Variants in POLL observed in about 807,000 individuals in gnomAD.
The protein encoded by POLL is DNA polymerase lambda.
A neutral mutation model predicts 58.1 loss-of-function variants in POLL; 44 were observed. The observed-to-expected ratio is 0.76, with a 90% CI of 0.60 to 0.97. POLL has a LOEUF of 0.97. POLL is among the 50% of genes least tolerant of loss of function. POLL has a pLI of 0.00. For synonymous variants in POLL, 290 were observed against 283.2 expected (o/e 1.02, Z -0.24); for missense variants, 632 against 736.8 (o/e 0.86, Z 1.65).
chr10:101,579,875 C>A lies in POLL; in HGVS notation c.1364-58G>T, dbSNP rs897341356. 1.9e-6 allele frequency: 3 copies of A among 1,554,300 alleles called. No individual in the cohort carries two copies. The highest frequency in any genetic ancestry group is 1.7e-6 in the Non-Finnish European group (2 of 1,149,832). ...GGGAACCAGGCCTGGGCTGTCCCAT[C>A]CTCCCAGGTCTCTCCTGATGTCTAA... On this transcript the variant is annotated intron_variant, in intron 8 of 8. Coordinates refer to ENST00000370162, the MANE Select transcript of POLL (RefSeq NM_001174084.2). The surrounding 1 kb of genome is among the most constrained non-coding windows in gnomAD (Gnocchi z 4.4).
rs573710641 is a variant in POLL, at chr10:101,582,822, G to A, written c.1135C>T (p.His379Tyr). Reference sequence around the variant, plus strand: ...ATACGTTCCAGGAAGTCACTGTAATGCTTCAGGCCGATGGCCTGCTGGGTT... The same window carrying A: ...ATACGTTCCAGGAAGTCACTGTAATACTTCAGGCCGATGGCCTGCTGGGTT... Reference protein sequence around the residue: ...LTTQQAIGLKHYSDFLERMPR... With the variant: ...LTTQQAIGLKYYSDFLERMPR... The change falls in exon 7 of 9, where the codon CAT becomes TAT. Residue 379 changes from histidine (H) to tyrosine (Y), a missense_variant. Transcript: ENST00000370162. The A allele has an allele frequency of 3.1e-6, 5 of 1,614,140 alleles. No individual in the cohort carries two copies. The African/African-American group carries it at 4.0e-5, about 13-fold the overall frequency.
rs2063484366 is a variant in POLL at position 101,587,973 on chromosome 10, C to T, written c.-198G>A. ...ACGGCCGCAGCAGGTGTGGGGAGCC[C>T]TCCGGGAATGGAGGAGTCTCGCAGC... On this transcript the variant is annotated 5_prime_UTR_variant, in exon 1 of 9. Transcript: ENST00000370162. The T allele has an allele frequency of 7.8e-7, 1 of 1,286,086 alleles. No homozygotes were observed. The highest frequency in any genetic ancestry group is 1.5e-5 in the African/African-American group (1 of 66,700). The allele number at this position is 1,286,086 out of a possible 1,614,324, so 79.7% of individuals were successfully genotyped here.
Position 101,582,837 on chromosome 10 carries a change from C to T in POLL, c.1120G>A (p.Ala374Thr), listed in dbSNP as rs2063075645. ...TCACTGTAATGCTTCAGGCCGATGG[C>T]CTGCTGGGTTGTCAGGGAGGCCTGG... ...RSQASLTTQQAIGLKHYSDFL... is the reference protein window; with the variant it reads ...RSQASLTTQQTIGLKHYSDFL... Residue 374 changes from alanine to threonine, a missense_variant, in exon 7 of 9, where the codon GCC becomes ACC. Ala to Thr is a moderately conservative substitution (Grantham distance 58). Coordinates refer to ENST00000370162, the MANE Select transcript of POLL (RefSeq NM_001174084.2). 1 of 1,614,214 alleles carries T rather than the reference C, an allele frequency of 6.2e-7. No individual in the cohort carries two copies. Among genetic ancestry groups the T allele is most frequent in the South Asian group, 1.1e-5 (1 of 91,090 alleles).
rs749920056 is a variant in POLL at position 101,583,551 on chromosome 10, A to G, written c.1022T>C (p.Ile341Thr). 6 of 1,613,834 alleles carry G rather than the reference A, an allele frequency of 3.7e-6. No homozygotes were observed. The South Asian group carries it at 6.6e-5, about 18-fold the overall frequency. ...GGCAGTCTTGGTCCCAGCTCCCCAGATGTTGGAGAAGAGCTCCAAGACAGG... is the reference window on the plus strand; with the variant it reads ...GGCAGTCTTGGTCCCAGCTCCCCAGGTGTTGGAGAAGAGCTCCAAGACAGG... ...SVPVLELFSN[I>T]WGAGTKTAQM... The change falls in exon 6 of 9, where the codon ATC (isoleucine) becomes ACC (threonine). Residue 341 changes from isoleucine (I) to threonine (T), a missense_variant. Coordinates refer to ENST00000370162, the MANE Select transcript of POLL (RefSeq NM_001174084.2).
intron 2 of POLL, among the ~76,000 whole-genome samples, chr10:101,586,488 G>C (rs1007176363): frequency 3.3e-5 from 5 of 152,014 alleles, no homozygotes; most frequent in East Asian, 3.8e-4. Context: ...TGTTTGTTTT[G>C]TTTTCTTTTG....
At position 101,579,543 on chromosome 10, in the gene POLL, C is replaced by G. The variant is rs952463023; in HGVS notation, c.1638G>C (p.Gly546=). The change falls in exon 9 of 9, where the codon GGG becomes GGC. Residue 546 remains glycine, a synonymous_variant. Transcript: ENST00000370162. The surrounding 1 kb of genome is among the most constrained non-coding windows in gnomAD (Gnocchi z 4.4). ...VVRNTHGCKV[G]PGRVLPTPTE... ...TGGGAGTGGGCAGCACTCGGCCAGG[C>G]CCCACCTTGCAGCCATGGGTGTTCC... The G allele has an allele frequency of 1.2e-6, 2 of 1,613,932 alleles. No individual in the cohort carries two copies. The highest frequency in any genetic ancestry group is 3.3e-5 in the Admixed American group (2 of 60,026).
chr10:101,587,524 G>A, intron 1 of POLL, 118 bp from the exon 2 acceptor site: 1 of 1,489,694 alleles, frequency 6.7e-7, no homozygotes, highest in Non-Finnish European at 8.9e-7. Flanking sequence ...CGGGGGAGGG[G>A]GTCTCTTCAA....
At chr10:101,582,628 G>A (rs1379913788) in intron 7 of POLL, 135 bp downstream of exon 7, 2 of 909,438 alleles carry the variant, frequency 2.2e-6, no homozygotes, top group South Asian at 1.5e-5. Flanking sequence ...AACTTGCTCT[G>A]TGCTCAACCT....
At chr10:101,585,590 C>T (rs56245181) in intron 3 of POLL, 112 bp from the exon 4 acceptor site, 65 of 1,067,132 alleles carry the variant, frequency 6.1e-5, no homozygotes, top group Non-Finnish European at 7.7e-5. Flanking sequence ...ATTAAGAAAA[C>T]GAGTTTTTTG....
Position 101,580,340 on chromosome 10 carries a change from G to A in POLL, c.1271C>T (p.Thr424Ile), listed in dbSNP as rs766150221. The A allele has an allele frequency of 8.7e-6, 14 of 1,614,052 alleles. No homozygotes were observed. The highest frequency in any genetic ancestry group is 1.7e-5 in the Admixed American group (1 of 60,028). ...ACGSYRRGKA[T>I]CGDVDVLITH... The stretch of plus-strand genomic sequence containing the variant: ...GATGAGCACGTCGACATCACCACAG[G>A]TCGCCTTTCCCCGTCGGTATGAACC... Residue 424 changes from threonine to isoleucine, a missense_variant, in exon 8 of 9, where the codon ACC becomes ATC. Coordinates refer to ENST00000370162, the MANE Select transcript of POLL (RefSeq NM_001174084.2). This position sits in a 1 kb window ranked among gnomAD's most constrained non-coding sequence, Gnocchi z 4.1.
intron 1 of POLL, 129 bp from the exon 2 acceptor site, chr10:101,587,535 A>C: frequency 6.8e-7 from 1 of 1,472,066 alleles, no homozygotes; most frequent in Non-Finnish European, 9.0e-7. Context: ...GTCTCTTCAA[A>C]CCCGGTTAAA....
chr10:101,586,768 T>C (rs1174360352), intron 2 of POLL, among the ~76,000 whole-genome samples: 1 of 152,198 alleles, frequency 6.6e-6, no homozygotes, highest in African/African-American at 2.4e-5. Flanking sequence ...GTGCTGAGAT[T>C]ACAGGCAAGA....
In POLL at chr10:101,580,347, T is replaced by C; in HGVS notation, c.1264A>G (p.Lys422Glu). 1.9e-6 allele frequency: 3 copies of C among 1,614,048 alleles called. No homozygotes were observed. Among genetic ancestry groups the C allele is most frequent in the South Asian group, 1.1e-5 (1 of 91,082 alleles). The change falls in exon 8 of 9, where the codon AAG becomes GAG. Residue 422 changes from lysine to glutamate, a missense_variant. Lys to Glu is a moderately conservative substitution (Grantham distance 56, BLOSUM62 1). Coordinates refer to ENST00000370162, the MANE Select transcript of POLL (RefSeq NM_001174084.2). The surrounding 1 kb of genome is among the most constrained non-coding windows in gnomAD (Gnocchi z 4.1). ...ACGTCGACATCACCACAGGTCGCCT[T>C]TCCCCGTCGGTATGAACCACATGCC... is the stretch of plus-strand genomic sequence containing the variant. The part of the protein sequence containing the change: ...CVACGSYRRG[K>E]ATCGDVDVLI...
chr10:101,580,723 A>T lies in POLL; in HGVS notation c.1195-307T>A. The T allele has an allele frequency of 3.7e-6, 1 of 272,702 alleles. No individual in the cohort carries two copies. Among genetic ancestry groups the T allele is most frequent in the Non-Finnish European group, 6.9e-6 (1 of 145,116 alleles). 16.9% of individuals were successfully genotyped at this position (272,702 alleles called of 1,614,324 possible). A position where few individuals can be genotyped will look rare whatever the true frequency, so the allele number is the denominator to read the frequency against. ...GCTCTTTAAGAGTAGGGAGACACAG[A>T]CTCTCTCTGCCCCTGCCCCAGCCCA... On this transcript the variant is annotated intron_variant, in intron 7 of 8. Coordinates refer to ENST00000370162, the MANE Select transcript of POLL (RefSeq NM_001174084.2). This position sits in a 1 kb window ranked among gnomAD's most constrained non-coding sequence, Gnocchi z 4.1.
rs1564869596 is a variant in POLL, at chr10:101,583,698, C to G, written c.892-17G>C. 1 of 1,610,164 alleles carries G rather than the reference C, an allele frequency of 6.2e-7. No homozygotes were observed. The highest frequency in any genetic ancestry group is 8.5e-7 in the Non-Finnish European group (1 of 1,176,798). On this transcript the variant is annotated splice_polypyrimidine_tract_variant and intron_variant, in intron 5 of 8. Coordinates refer to ENST00000370162, the MANE Select transcript of POLL (RefSeq NM_001174084.2). ...GCAGGCCTCCTAGAGGAGGAGGAGG[C>G]AGAGGCAAGAAAGAAGAGTGAGGAG...
At chr10:101,587,475 C>G in intron 1 of POLL, 69 bp from the exon 2 acceptor site, 1 of 1,513,266 alleles carries the variant, frequency 6.6e-7, no homozygotes, top group Non-Finnish European at 8.9e-7. Flanking sequence ...CTTTCCTGAC[C>G]AGGCTTTGGG....
rs1014134258 is a variant in POLL, at chr10:101,580,076, C to A, written c.1363+172G>T. On this transcript the variant is annotated intron_variant, in intron 8 of 8. Coordinates refer to ENST00000370162, the MANE Select transcript of POLL (RefSeq NM_001174084.2). This position sits in a 1 kb window ranked among gnomAD's most constrained non-coding sequence, Gnocchi z 4.1. ...TCCACATAGGTGTGGCGGGGCTGTT[C>A]CATCTCTCCCTGGAGAGGATTCCGG... The A allele has an allele frequency of 1.4e-6, 1 of 696,690 alleles. No individual in the cohort carries two copies. 43.2% of individuals were successfully genotyped at this position (696,690 alleles called of 1,614,324 possible). A position where few individuals can be genotyped will look rare whatever the true frequency, so the allele number is the denominator to read the frequency against.
rs916609824 is a variant in POLL at position 101,580,245 on chromosome 10, T to C, written c.1363+3A>G. The C allele has an allele frequency of 6.2e-7, 1 of 1,612,504 alleles. No homozygotes were observed. Among genetic ancestry groups the C allele is most frequent in the Non-Finnish European group, 8.5e-7 (1 of 1,179,210 alleles). On this transcript the variant is annotated splice_donor_region_variant and intron_variant, in intron 8 of 8. Transcript: ENST00000370162. This position sits in a 1 kb window ranked among gnomAD's most constrained non-coding sequence, Gnocchi z 4.1. ...CCTGCTCACCCAGAGATGGAGCTTA[T>C]ACCTTCCTGCCGAAGACTGTCAAGG...
rs746365299 is a variant in POLL, at chr10:101,586,124, G to A, written c.148C>T (p.Arg50Cys). Residue 50 changes from arginine to cysteine, a missense_variant, in exon 3 of 9, where the codon CGC becomes TGC. Arg to Cys is a radical substitution (Grantham distance 180). Coordinates refer to ENST00000370162, the MANE Select transcript of POLL (RefSeq NM_001174084.2). The part of the protein sequence containing the change: ...WLSSLRAHVV[R>C]TGIGRARAEL... ...GCCCGGGCTCGTCCAATGCCAGTGC[G>A]CACAACATGGGCCCGAAGGGAGCTC... 52 of 1,613,374 alleles carry A rather than the reference G, an allele frequency of 3.2e-5. No individual in the cohort carries two copies. Among genetic ancestry groups the A allele is most frequent in the Admixed American group, 1.7e-4 (10 of 60,004 alleles).
Sources: gnomAD v4.1 joint callset for allele counts (sites outside exome capture counted in the v4.1 genomes callset) on GRCh38, gnomAD v4.1.1 for gene constraint, Gnocchi (gnomAD v3.1) non-coding constraint, MANE v1.5 for transcripts, NCBI Gene and HGNC (gene_info 2026-07-23, HGNC 2026-07-21) for gene names.